GRIK1: variants seen among roughly 807,000 people sequenced by gnomAD.
The protein encoded by GRIK1 is glutamate receptor ionotropic, kainate 1.
A neutral mutation model predicts 105.7 loss-of-function variants in GRIK1; 69 were observed. That is an observed-to-expected ratio of 0.65 (90% CI 0.54 to 0.80). The LOEUF is 0.80. Ranked by LOEUF, GRIK1 falls within the 30% of genes least tolerant of loss-of-function variation. The probability of loss-of-function intolerance (pLI) is 0.00; values close to 1 mark genes in which losing one functional copy is unlikely to be tolerated. For missense variants in GRIK1, 1,109 were observed against 1,167.3 expected (o/e 0.95, Z 0.73); for synonymous variants, 438 against 431.3 (o/e 1.02, Z -0.19).
chr21:29,718,093 A>G (rs1472733863), intron 1 of GRIK1, among the ~76,000 whole-genome samples: 1 of 152,184 alleles, frequency 6.6e-6, no homozygotes, highest in African/African-American at 2.4e-5. Context: ...CCCTTCCACC[A>G]TAATTGTAAG....
chr21:29,607,242 T>G lies in GRIK1; in HGVS notation c.1099-8305A>C, dbSNP rs55895902. ...CTGAAAACCTGGTTTCTTAGCACTT[T>G]TCTTTTGTCTGAGCAAGATTATGTC... On this transcript the variant is annotated intron_variant, in intron 7 of 17. Transcript: ENST00000327783. Among the ~76,000 whole-genome samples the G allele has an allele frequency of 7.0e-3, 1,061 of 152,214 alleles. 14 individuals are homozygous for G. The highest frequency in any genetic ancestry group is 0.024 in the African/African-American group (1,015 of 41,534).
At chr21:29,887,063 T>C (rs2069657253) in intron 1 of GRIK1, among the ~76,000 whole-genome samples, 1 of 152,178 alleles carries the variant, frequency 6.6e-6, no homozygotes, top group Non-Finnish European at 1.5e-5. Context: ...CTTATACTAA[T>C]TGTATGGTGG....
At chr21:29,797,631 T>A (rs2066594950) in intron 1 of GRIK1, among the ~76,000 whole-genome samples, 1 of 152,226 alleles carries the variant, frequency 6.6e-6, no homozygotes, top group African/African-American at 2.4e-5. Context: ...GTTGCATTTG[T>A]CAATATAATA....
intron 1 of GRIK1, among the ~76,000 whole-genome samples, chr21:29,809,699 G>A (rs1427165320): frequency 6.6e-6 from 1 of 152,178 alleles, no homozygotes; most frequent in African/African-American, 2.4e-5. Flanking sequence ...GGTGCAAGAG[G>A]CCTAGCTTTC....
intron 1 of GRIK1, among the ~76,000 whole-genome samples, chr21:29,715,505 A>T (rs1217279961): frequency 6.6e-6 from 1 of 152,022 alleles, no homozygotes; most frequent in African/African-American, 2.4e-5. Context: ...TTAATGCAAA[A>T]ATGTGTGGGA....
chr21:29,856,571 G>T (rs540865389), intron 1 of GRIK1, among the ~76,000 whole-genome samples: 1 of 152,256 alleles, frequency 6.6e-6, no homozygotes, highest in South Asian at 2.1e-4. Flanking sequence ...TGAAATATTT[G>T]CTTAGCCCCA....
intron 1 of GRIK1, among the ~76,000 whole-genome samples, chr21:29,781,250 C>T (rs1342921955): frequency 6.6e-6 from 1 of 152,096 alleles, no homozygotes; most frequent in Admixed American, 6.6e-5. Flanking sequence ...CAACATGCTC[C>T]TTCCTTTTTT....
chr21:29,731,227 C>A lies in GRIK1; in HGVS notation c.119-37164G>T, dbSNP rs115369274. Among the ~76,000 whole-genome samples the A allele has an allele frequency of 3.9e-5, 6 of 152,226 alleles. No homozygotes were observed. The East Asian group carries it at 7.7e-4, about 20-fold the overall frequency. ...TGATGTTTTCCCAGGTGCTTTTCTG[C>A]GAAAACTTTGGCCAACTTTCTTGAA... On this transcript the variant is annotated intron_variant, in intron 1 of 17. Coordinates refer to ENST00000327783, the MANE Select transcript of GRIK1 (RefSeq NM_001330994.2).
chr21:29,652,476 A>C (rs1182669818), intron 5 of GRIK1, among the ~76,000 whole-genome samples: 2 of 152,226 alleles, frequency 1.3e-5, no homozygotes, highest in African/African-American at 4.8e-5. Flanking sequence ...ACAAGGTTAC[A>C]TGGATGCAAG....
chr21:29,614,884 C>T (rs1056718558), intron 7 of GRIK1, among the ~76,000 whole-genome samples: 6 of 151,504 alleles, frequency 4.0e-5, no homozygotes, highest in African/African-American at 1.5e-4. Context: ...CCAGTACTCT[C>T]TCTCCCTAAA....
At chr21:29,853,343 T>A (rs991874893) in intron 1 of GRIK1, among the ~76,000 whole-genome samples, 5 of 152,228 alleles carry the variant, frequency 3.3e-5, no homozygotes, top group Admixed American at 3.3e-4. Context: ...CATCGTAGGA[T>A]ATGTGGCAGC....
rs1250697458 is a variant in GRIK1 at position 29,848,778 on chromosome 21, TA to T, written c.118+90604del. On this transcript the variant is annotated intron_variant, in intron 1 of 17. Transcript: ENST00000327783. ...GTGTATATATATATATATATATATA[TA>T]TTTTTTTTTTTTTCCACGATCTTCA... 5.6e-4 allele frequency among the ~76,000 whole-genome samples: 53 copies of T among 95,312 alleles called. 3 individuals are homozygous for T. Among genetic ancestry groups the T allele is most frequent in the Middle Eastern group, 5.3e-3 (1 of 188 alleles). The allele number at this position is 95,312 out of a possible 152,430, so 62.5% of individuals were successfully genotyped here.
At chr21:29,811,666 A>T (rs1414376101) in intron 1 of GRIK1, among the ~76,000 whole-genome samples, 1 of 152,154 alleles carries the variant, frequency 6.6e-6, no homozygotes, top group East Asian at 1.9e-4. Flanking sequence ...TGAACTGTTC[A>T]TAATGGAACA....
chr21:29,539,371 A>T (rs1050215488), intron 16 of GRIK1, among the ~76,000 whole-genome samples: 3 of 152,158 alleles, frequency 2.0e-5, no homozygotes, highest in African/African-American at 7.2e-5. Context: ...AAAATTATCT[A>T]TCCAGCCCAT....
rs147749321 is a variant in GRIK1 at position 29,631,693 on chromosome 21, T to A, written c.1098+11133A>T. On this transcript the variant is annotated intron_variant, in intron 7 of 17. Transcript: ENST00000327783. ...AGACACAGTGGATTAAAAAGACTTA[T>A]GAAAAAAAGTACAATTGCTCATTAA... Among the ~76,000 whole-genome samples, 9 of 152,248 alleles carry A rather than the reference T, an allele frequency of 5.9e-5. No homozygotes were observed. In the East Asian group the frequency reaches 1.7e-3, roughly 29 times the overall value.
At chr21:29,679,449 A>G (rs576527657) in intron 3 of GRIK1, among the ~76,000 whole-genome samples, 3 of 152,266 alleles carry the variant, frequency 2.0e-5, no homozygotes, top group African/African-American at 7.2e-5. Context: ...ATCCCGTCCT[A>G]TCTATAGGCT....
At chr21:29,747,839 A>G (rs2065085014) in intron 1 of GRIK1, among the ~76,000 whole-genome samples, 1 of 152,216 alleles carries the variant, frequency 6.6e-6, no homozygotes, top group African/African-American at 2.4e-5. Flanking sequence ...AAGAAAAAAG[A>G]ATAGAAAGCA....
At chr21:29,761,767 C>G (rs28538523) in intron 1 of GRIK1, among the ~76,000 whole-genome samples, 1 of 23,390 alleles carries the variant, frequency 4.3e-5, no homozygotes, top group African/African-American at 1.2e-4. Flanking sequence ...TTTTTTTTTT[C>G]TCACAGTTTA....
rs763625637 is a variant in GRIK1 at position 29,587,389 on chromosome 21, G to A, written c.1770C>T (p.Ser590=). The A allele has an allele frequency of 6.2e-7, 1 of 1,611,240 alleles. No homozygotes were observed. Among genetic ancestry groups the A allele is most frequent in the South Asian group, 1.1e-5 (1 of 91,020 alleles). ...MYVLLACLGV[S]CVLFVIARFT... is the part of the protein sequence containing the mutation. ...ACCTTGCAATCACAAAGAGTACACA[G>A]CTGACTCCCAAGCAGGCTAAGAGCA... is the stretch of plus-strand genomic sequence containing the variant. The change falls in exon 12 of 18, where the codon AGC becomes AGT. Residue 590 remains serine (S), a synonymous_variant. Transcript: ENST00000327783.
Sources: allele counts gnomAD v4.1 joint callset (sites outside exome capture counted in the v4.1 genomes callset), GRCh38; gene constraint gnomAD v4.1.1; transcripts MANE v1.5; gene names NCBI Gene and HGNC (gene_info 2026-07-23, HGNC 2026-07-21).